MED12L: variants seen among roughly 807,000 people sequenced by gnomAD.
MED12L encodes the protein mediator of RNA polymerase II transcription subunit 12-like protein.
Under a neutral mutation model 281.3 loss-of-function variants are expected in MED12L, and 60 were observed. The observed-to-expected ratio is 0.21, with a 90% confidence interval of 0.17 to 0.26. The LOEUF (loss-of-function observed/expected upper bound fraction) is 0.26. Ranked by LOEUF, MED12L falls within the 10% of genes least tolerant of loss-of-function variation. The probability of loss-of-function intolerance (pLI) is 1.00; values close to 1 mark genes in which losing one functional copy is unlikely to be tolerated. For missense variants in MED12L, 2,146 were observed against 2,680.9 expected (o/e 0.80, Z 4.41); for synonymous variants, 974 against 987.2 (o/e 0.99, Z 0.25).
chr3:151,232,917 A>C (rs530959458), intron 16 of MED12L, among the ~76,000 whole-genome samples: 2 of 152,200 alleles, frequency 1.3e-5, no homozygotes, highest in South Asian at 2.1e-4. Flanking sequence ...GTACCCTTGA[A>C]ACTAAATTTT....
intron 16 of MED12L, chr3:151,241,907 G>C (rs1734182930): frequency 6.5e-6 from 1 of 152,988 alleles, no homozygotes; most frequent in African/African-American, 2.4e-5. Context: ...CAGACAGTGG[G>C]CGCAGGTCAG....
At chr3:151,229,249 G>C (rs1731127378) in intron 16 of MED12L, among the ~76,000 whole-genome samples, 1 of 151,742 alleles carries the variant, frequency 6.6e-6, no homozygotes, top group Non-Finnish European at 1.5e-5. Context: ...CCCTGTTAGA[G>C]GGTTCTTTGA....
intron 7 of MED12L, 22 bp from the exon 8 acceptor site, chr3:151,159,810 C>G: frequency 6.3e-7 from 1 of 1,598,780 alleles, no homozygotes; most frequent in Non-Finnish European, 8.6e-7. Context: ...TGACTGAAGT[C>G]TGGTGTCCTT....
intron 43 of MED12L, among the ~76,000 whole-genome samples, chr3:151,417,606 C>G (rs1717768358): frequency 6.6e-6 from 1 of 151,402 alleles, no homozygotes; most frequent in African/African-American, 2.4e-5. Flanking sequence ...CTGCCTCAGC[C>G]TCCCAAGTAG....
chr3:151,419,753 G>A (rs185469921), intron 43 of MED12L, among the ~76,000 whole-genome samples: 3 of 152,008 alleles, frequency 2.0e-5, no homozygotes, highest in African/African-American at 7.3e-5. Flanking sequence ...TCCTGCAACC[G>A]GAAACGCACC....
At chr3:151,246,075 A>G (rs1381808987) in intron 16 of MED12L, among the ~76,000 whole-genome samples, 1 of 151,910 alleles carries the variant, frequency 6.6e-6, no homozygotes, top group African/African-American at 2.4e-5. Context: ...GATGTGAAGG[A>G]ACTCTTCAAG....
chr3:151,258,483 C>T (rs1738246797), intron 16 of MED12L, among the ~76,000 whole-genome samples: 1 of 152,102 alleles, frequency 6.6e-6, no homozygotes, highest in Non-Finnish European at 1.5e-5. Context: ...CCAGGGTATC[C>T]CTTGCAACAG....
At chr3:151,388,376 C>T (rs1371706536) in intron 37 of MED12L, among the ~76,000 whole-genome samples, 2 of 152,186 alleles carry the variant, frequency 1.3e-5, no homozygotes, top group East Asian at 1.9e-4. Context: ...TTCCGTCCTC[C>T]ACTTTTAATA....
At chr3:151,208,820 G>A (rs995034132) in intron 16 of MED12L, among the ~76,000 whole-genome samples, 2 of 152,186 alleles carry the variant, frequency 1.3e-5, no homozygotes, top group Non-Finnish European at 2.9e-5. Flanking sequence ...CACTTCTGGG[G>A]CAGGTTTAGC....
chr3:151,177,773 A>G (rs1722235894), intron 11 of MED12L, among the ~76,000 whole-genome samples: 1 of 152,172 alleles, frequency 6.6e-6, no homozygotes, highest in Non-Finnish European at 1.5e-5. Context: ...GATTACAGGC[A>G]TAAGCCACTG....
intron 44 of MED12L, 77 bp downstream of exon 44, chr3:151,430,457 C>T (rs576731237): frequency 1.8e-4 from 289 of 1,597,006 alleles, no homozygotes; most frequent in Non-Finnish European, 2.0e-4. Flanking sequence ...AAAGTGGCGG[C>T]TCTCCCAAGA....
intron 16 of MED12L, among the ~76,000 whole-genome samples, chr3:151,240,567 A>G (rs1733871493): frequency 6.6e-6 from 1 of 152,212 alleles, no homozygotes; most frequent in Non-Finnish European, 1.5e-5. Context: ...AACAAAACAA[A>G]AGGTGTAGCT....
chr3:151,422,078 C>T (rs949443252), intron 43 of MED12L, among the ~76,000 whole-genome samples: 6 of 152,070 alleles, frequency 3.9e-5, no homozygotes, highest in South Asian at 4.2e-4. Flanking sequence ...TGATTGCAGT[C>T]GTGTGTGTGG....
At chr3:151,285,869 G>T (rs1475584119) in intron 16 of MED12L, among the ~76,000 whole-genome samples, 1 of 152,106 alleles carries the variant, frequency 6.6e-6, no homozygotes, top group East Asian at 1.9e-4. Flanking sequence ...CATCCATGAG[G>T]AATAGGTCCT....
intron 34 of MED12L, 46 bp downstream of exon 34, chr3:151,383,934 G>A (rs1313861951): frequency 1.3e-6 from 2 of 1,548,516 alleles, no homozygotes; most frequent in South Asian, 2.3e-5. Context: ...TGTATGCATG[G>A]TATAAGCTTT....
chr3:151,340,190 T>A (rs538632916), intron 16 of MED12L, among the ~76,000 whole-genome samples: 2 of 152,284 alleles, frequency 1.3e-5, no homozygotes, highest in East Asian at 3.9e-4. Flanking sequence ...CCTTTCCTGC[T>A]ACTGCTGTGT....
intron 2 of MED12L, among the ~76,000 whole-genome samples, chr3:151,093,272 C>G (rs540515284): frequency 6.6e-5 from 10 of 152,298 alleles, no homozygotes; most frequent in African/African-American, 2.4e-4. Flanking sequence ...CCATTGCACT[C>G]CAGCTTGGGC....
chr3:151,125,677 A>G (rs1714407692), intron 4 of MED12L, among the ~76,000 whole-genome samples: 1 of 152,220 alleles, frequency 6.6e-6, no homozygotes, highest in Non-Finnish European at 1.5e-5. Flanking sequence ...AGTGAAAAGC[A>G]GCAACTCGGG....
chr3:151,148,366 A>G (rs752448399), intron 5 of MED12L, among the ~76,000 whole-genome samples: 24 of 152,222 alleles, frequency 1.6e-4, no homozygotes, highest in Non-Finnish European at 3.1e-4. Flanking sequence ...TGTGAGAAAA[A>G]TGGTGGAAAA....
Sources: gnomAD v4.1 joint callset for allele counts (sites outside exome capture counted in the v4.1 genomes callset) on GRCh38, gnomAD v4.1.1 for gene constraint, MANE v1.5 for transcripts, NCBI Gene and HGNC (gene_info 2026-07-23, HGNC 2026-07-21) for gene names.